The following RPH3A variants were observed in gnomAD, a reference collection of about 807,000 sequenced individuals.
RPH3A encodes rabphilin-3A.
In RPH3A, 48 loss-of-function variants were observed where a neutral mutation model predicts 102.2. The ratio of observed to expected loss-of-function variants is 0.47; its 90% CI spans 0.37 to 0.60. The LOEUF is 0.60. Among genes scored for constraint, RPH3A ranks in the 20% least tolerant of loss-of-function variants. RPH3A has a pLI of 0.00. For synonymous variants in RPH3A, 310 were observed against 324.3 expected (o/e 0.96, Z 0.47); for missense variants, 781 against 910.1 (o/e 0.86, Z 1.83).
At chr12:112,616,122 C>T (rs531458176) in intron 1 of RPH3A, among the ~76,000 whole-genome samples, 1 of 152,200 alleles carries the variant, frequency 6.6e-6, no homozygotes, top group South Asian at 2.1e-4. Context: ...ACTGGTTTAT[C>T]TCTGATAAAT....
chr12:112,854,521 A>G (rs1400754974), intron 5 of RPH3A, among the ~76,000 whole-genome samples: 4 of 152,278 alleles, frequency 2.6e-5, no homozygotes, highest in African/African-American at 4.8e-5. Context: ...GAGGTTTAGC[A>G]GCTTGCCCAG....
chr12:112,728,715 C>T (rs10744781), intron 1 of RPH3A, among the ~76,000 whole-genome samples: 116,756 of 152,092 alleles, frequency 0.77, 45,690 homozygotes, highest in African/African-American at 0.91. Context: ...AAAACAAATA[C>T]ACAAAACTGA....
chr12:112,650,578 A>G (rs1482688197), intron 1 of RPH3A, among the ~76,000 whole-genome samples: 3 of 151,960 alleles, frequency 2.0e-5, no homozygotes, highest in Non-Finnish European at 2.9e-5. Context: ...TATTTTATTT[A>G]TTTATTTTTT....
chr12:112,577,398 C>T (rs1031801171), intron 1 of RPH3A, among the ~76,000 whole-genome samples: 6 of 152,114 alleles, frequency 3.9e-5, no homozygotes, highest in East Asian at 1.9e-4. Context: ...GTCATGCTGC[C>T]GGTGAGTGTG....
At chr12:112,715,442 T>C (rs1007383903) in intron 1 of RPH3A, among the ~76,000 whole-genome samples, 4 of 152,182 alleles carry the variant, frequency 2.6e-5, no homozygotes, top group African/African-American at 9.7e-5. Context: ...TCCACTCAAA[T>C]GTAAGCACCA....
chr12:112,695,579 T>C (rs2040344435), intron 1 of RPH3A, among the ~76,000 whole-genome samples: 1 of 152,212 alleles, frequency 6.6e-6, no homozygotes, highest in South Asian at 2.1e-4. Context: ...CCTGACTTTG[T>C]TGCTTGGCTG....
intron 2 of RPH3A, among the ~76,000 whole-genome samples, chr12:112,799,975 C>T (rs1388451496): frequency 6.6e-6 from 1 of 152,178 alleles, no homozygotes. Context: ...TTCCCCCATT[C>T]CCTCCTTTCC....
chr12:112,761,641 C>T (rs2040855703), intron 1 of RPH3A, among the ~76,000 whole-genome samples: 1 of 152,224 alleles, frequency 6.6e-6, no homozygotes, highest in African/African-American at 2.4e-5. Flanking sequence ...TCCCATTCCC[C>T]TGGACAGGCA....
intron 1 of RPH3A, among the ~76,000 whole-genome samples, chr12:112,723,423 T>C (rs901076198): frequency 2.0e-5 from 3 of 152,262 alleles, no homozygotes; most frequent in Middle Eastern, 3.2e-3. Flanking sequence ...ACTGTAAGTT[T>C]ACATAGTCTG....
Position 112,865,462 on chromosome 12 carries a change from T to C in RPH3A, c.279T>C (p.Asp93=). The C allele has an allele frequency of 2.5e-6, 4 of 1,614,058 alleles. No homozygotes were observed. Among genetic ancestry groups the C allele is most frequent in the Non-Finnish European group, 3.4e-6 (4 of 1,179,990 alleles). The change falls in exon 6 of 22, where the codon GAT becomes GAC. Residue 93 remains aspartate (D), a synonymous_variant. Transcript: ENST00000389385. ...LENMRKNVAG[D]GVNRCILCGE... ...ACATGAGGAAGAACGTGGCTGGAGA[T>C]GGGGTGAACCGCTGCATACTGTGTG...
At chr12:112,719,101 A>G (rs1036388233) in intron 1 of RPH3A, among the ~76,000 whole-genome samples, 5 of 152,206 alleles carry the variant, frequency 3.3e-5, no homozygotes, top group Non-Finnish European at 4.4e-5. Context: ...TATGGTGGGT[A>G]GAAGAAAGCT....
intron 1 of RPH3A, among the ~76,000 whole-genome samples, chr12:112,611,340 A>C (rs1459865933): frequency 6.6e-6 from 1 of 152,180 alleles, no homozygotes; most frequent in Non-Finnish European, 1.5e-5. Flanking sequence ...GATGGTGCAG[A>C]CACCTGAGCA....
chr12:112,667,496 G>C (rs978599906), intron 1 of RPH3A, among the ~76,000 whole-genome samples: 1 of 151,838 alleles, frequency 6.6e-6, no homozygotes, highest in South Asian at 2.1e-4. Context: ...TATAAGTCAG[G>C]GTCCCAATGG....
At chr12:112,766,270 TTAGAACAGTAA>T in intron 1 of RPH3A, among the ~76,000 whole-genome samples, 1 of 152,206 alleles carries the variant, frequency 6.6e-6, no homozygotes. Context: ...ATCTGTGAAC[TTAGAACAGTAA>T]TAGCACCTGC....
Position 112,632,630 on chromosome 12 carries a change from C to T in RPH3A, c.-140+57311C>T, listed in dbSNP as rs184801027. The stretch of plus-strand genomic sequence containing the variant: ...GCTTTATCAACTTACATATTCTTCA[C>T]TGGGTTACAGAGAAGATACCACAAA... On this transcript the variant is annotated intron_variant, in intron 1 of 21. Transcript: ENST00000543106. Among the ~76,000 whole-genome samples the T allele has an allele frequency of 2.3e-4, 35 of 152,312 alleles. 1 individual carries two copies. In the East Asian group the frequency reaches 5.8e-3, roughly 25 times the overall value.
chr12:112,686,001 T>C (rs755077103), intron 1 of RPH3A, among the ~76,000 whole-genome samples: 2 of 152,208 alleles, frequency 1.3e-5, no homozygotes, highest in African/African-American at 2.4e-5. Flanking sequence ...GTTCATGTTC[T>C]GAGAGCCGAG....
intron 1 of RPH3A, among the ~76,000 whole-genome samples, chr12:112,686,702 T>G (rs1592943387): frequency 6.6e-6 from 1 of 152,244 alleles, no homozygotes; most frequent in African/African-American, 2.4e-5. Flanking sequence ...CCAGCTGAGA[T>G]CATTCAGTAG....
intron 20 of RPH3A, 93 bp from the exon 21 acceptor site, chr12:112,895,684 C>A: frequency 1.2e-6 from 1 of 820,534 alleles, no homozygotes; most frequent in Non-Finnish European, 2.1e-6. Flanking sequence ...AGGACCTCTC[C>A]TTGGCCCATA....
intron 1 of RPH3A, among the ~76,000 whole-genome samples, chr12:112,780,100 A>G (rs918474509): frequency 6.6e-6 from 1 of 152,068 alleles, no homozygotes; most frequent in Non-Finnish European, 1.5e-5. Context: ...TTCCTTCAGT[A>G]TCTCTTTCTA....
Sources: allele counts gnomAD v4.1 joint callset (sites outside exome capture counted in the v4.1 genomes callset), GRCh38; gene constraint gnomAD v4.1.1; transcripts MANE v1.5; gene names NCBI Gene and HGNC (gene_info 2026-07-23, HGNC 2026-07-21).